Variants in ATP2B2 observed in about 807,000 individuals in gnomAD.
The protein encoded by ATP2B2 is ATPase plasma membrane Ca2+ transporting 2.
In ATP2B2, 15 loss-of-function variants were observed where a neutral mutation model predicts 120.0. That is an observed-to-expected ratio of 0.12 (90% CI 0.08 to 0.19). The LOEUF is 0.19. Ranked by LOEUF, ATP2B2 falls within the 10% of genes least tolerant of loss-of-function variation. ATP2B2 has a pLI of 1.00. For missense variants in ATP2B2, 1,045 were observed against 1,719.8 expected, an observed-to-expected ratio of 0.61 and a Z score of 6.94; for synonymous variants, 694 against 700.3, an observed-to-expected ratio of 0.99 and a Z score of 0.14.
At chr3:10,700,376 G>A (rs775867015) in intron 1 of ATP2B2, among the ~76,000 whole-genome samples, 4 of 152,040 alleles carry the variant, frequency 2.6e-5, no homozygotes, top group Non-Finnish European at 4.4e-5. Flanking sequence ...GATTTCCTGC[G>A]ATATGTCCCA....
intron 1 of ATP2B2, among the ~76,000 whole-genome samples, chr3:10,704,166 C>T (rs766020706): frequency 6.6e-6 from 1 of 152,228 alleles, no homozygotes; most frequent in African/African-American, 2.4e-5. Flanking sequence ...TAGAGGCCAT[C>T]ATTTCCTGAG....
intron 2 of ATP2B2, among the ~76,000 whole-genome samples, chr3:10,537,794 A>T (rs1172270293): frequency 6.6e-6 from 1 of 152,212 alleles, no homozygotes; most frequent in African/African-American, 2.4e-5. Flanking sequence ...CATAGTTTTT[A>T]AAAATGCTCT....
chr3:10,530,862 T>C (rs554445927), intron 3 of ATP2B2, among the ~76,000 whole-genome samples: 8 of 152,346 alleles, frequency 5.3e-5, no homozygotes, highest in African/African-American at 1.7e-4. Context: ...ATTCTGCCGA[T>C]TGAACTTATT....
chr3:10,433,375 G>A (rs747027415), intron 2 of ATP2B2, among the ~76,000 whole-genome samples: 2 of 152,128 alleles, frequency 1.3e-5, no homozygotes, highest in Admixed American at 6.5e-5. Context: ...GACAGCTCTA[G>A]GCTCTAACAG....
intron 2 of ATP2B2, among the ~76,000 whole-genome samples, chr3:10,436,059 T>A (rs554117875): frequency 6.6e-6 from 1 of 152,166 alleles, no homozygotes; most frequent in Non-Finnish European, 1.5e-5. Context: ...GTGATCAAGC[T>A]AGGCCAATCA....
chr3:10,456,395 T>C (rs1428622574), intron 1 of ATP2B2, among the ~76,000 whole-genome samples: 1 of 152,212 alleles, frequency 6.6e-6, no homozygotes, highest in Non-Finnish European at 1.5e-5. Flanking sequence ...TCCCCAGTGA[T>C]GGAAGCCTAG....
intron 1 of ATP2B2, among the ~76,000 whole-genome samples, chr3:10,683,801 T>C (rs1464686984): frequency 1.6e-5 from 2 of 122,314 alleles, no homozygotes; most frequent in Non-Finnish European, 3.4e-5. Context: ...TATATATATA[T>C]ATATGTAAAG....
chr3:10,556,626 C>T (rs2067785392), intron 2 of ATP2B2, among the ~76,000 whole-genome samples: 1 of 152,174 alleles, frequency 6.6e-6, no homozygotes, highest in East Asian at 1.9e-4. Flanking sequence ...AAGGGCGAAA[C>T]CCCTGAAGGT....
At chr3:10,611,812 GC>G (rs1344959390) in intron 2 of ATP2B2, among the ~76,000 whole-genome samples, 5 of 152,100 alleles carry the variant, frequency 3.3e-5, no homozygotes, top group Non-Finnish European at 7.4e-5. Flanking sequence ...ATCTCTCTAA[GC>G]CTTAGTTTTC....
chr3:10,362,632 G>A (rs1021509315), intron 12 of ATP2B2, among the ~76,000 whole-genome samples: 17 of 152,176 alleles, frequency 1.1e-4, no homozygotes, highest in Non-Finnish European at 1.8e-4. Flanking sequence ...TACGGGGGCC[G>A]TGGATAGGGA....
intron 1 of ATP2B2, among the ~76,000 whole-genome samples, chr3:10,503,120 C>T (rs116337801): frequency 1.9e-4 from 29 of 152,326 alleles, no homozygotes; most frequent in African/African-American, 7.0e-4. Flanking sequence ...AGGAGGGCAG[C>T]GGGACAGCAC....
chr3:10,461,159 C>T (rs928568945), intron 1 of ATP2B2, among the ~76,000 whole-genome samples: 1 of 152,236 alleles, frequency 6.6e-6, no homozygotes, highest in Admixed American at 6.5e-5. Context: ...CAGGTACCAG[C>T]AGGGATTTGC....
intron 1 of ATP2B2, among the ~76,000 whole-genome samples, chr3:10,498,164 C>T (rs192921174): frequency 9.2e-5 from 14 of 152,348 alleles, no homozygotes; most frequent in African/African-American, 2.6e-4. Context: ...TCCGACACAA[C>T]GGCCTGATGA....
chr3:10,507,221 G>A (rs2066657719), upstream of ATP2B2, among the ~76,000 whole-genome samples: 1 of 152,194 alleles, frequency 6.6e-6, no homozygotes, highest in Non-Finnish European at 1.5e-5. Flanking sequence ...AGCAGCCCAG[G>A]ACACCCCTCA....
At chr3:10,515,155 G>A (rs1227320003) in intron 3 of ATP2B2, among the ~76,000 whole-genome samples, 1 of 152,188 alleles carries the variant, frequency 6.6e-6, no homozygotes, top group Non-Finnish European at 1.5e-5. Flanking sequence ...ACTTACCACT[G>A]GGTGGCCTTG....
chr3:10,377,437 T>C (rs1411832012), intron 10 of ATP2B2, among the ~76,000 whole-genome samples: 5 of 152,200 alleles, frequency 3.3e-5, no homozygotes, highest in Non-Finnish European at 5.9e-5. Flanking sequence ...GTGTCTATAA[T>C]TAGAGCTGGG....
intron 2 of ATP2B2, among the ~76,000 whole-genome samples, chr3:10,565,001 ATG>A (rs1486302746): frequency 6.6e-6 from 1 of 152,166 alleles, no homozygotes; most frequent in East Asian, 1.9e-4. Flanking sequence ...TAGAAATAAT[ATG>A]TGTCACTTCT....
intron 2 of ATP2B2, among the ~76,000 whole-genome samples, chr3:10,444,166 C>T (rs368591178): frequency 2.6e-5 from 4 of 152,364 alleles, no homozygotes; most frequent in Admixed American, 6.5e-5. Context: ...CTTTCCCACT[C>T]ATCTCTGGCC....
At chr3:10,366,298 G>A (rs1295549183) in intron 12 of ATP2B2, among the ~76,000 whole-genome samples, 1 of 152,138 alleles carries the variant, frequency 6.6e-6, no homozygotes, top group Non-Finnish European at 1.5e-5. Flanking sequence ...AGATTTATGG[G>A]AAATACAGCA....
Sources: gnomAD v4.1 joint callset for allele counts (sites outside exome capture counted in the v4.1 genomes callset) on GRCh38, gnomAD v4.1.1 for gene constraint, MANE v1.5 for transcripts, NCBI Gene and HGNC (gene_info 2026-07-23, HGNC 2026-07-21) for gene names.